The following ANKRD6 variants were observed in gnomAD, a reference collection of about 807,000 sequenced individuals.
The protein encoded by ANKRD6 is ankyrin repeat domain 6, also known as ankyrin repeat domain-containing protein 6.
A neutral mutation model predicts 82.3 loss-of-function variants in ANKRD6; 56 were observed. The ratio of observed to expected loss-of-function variants is 0.68; its 90% CI spans 0.55 to 0.85. The LOEUF is 0.85. ANKRD6 is among the 40% of genes least tolerant of loss of function. The pLI, the probability that ANKRD6 is intolerant of heterozygous loss-of-function variation, is 0.00. For missense variants in ANKRD6, 852 were observed against 907.6 expected, an observed-to-expected ratio of 0.94 and a Z score of 0.79; for synonymous variants, 347 against 352.1, an observed-to-expected ratio of 0.99 and a Z score of 0.16.
chr6:89,501,281 A>T (rs1267065749), intron 1 of ANKRD6, among the ~76,000 whole-genome samples: 2 of 152,256 alleles, frequency 1.3e-5, no homozygotes, highest in Non-Finnish European at 2.9e-5. Flanking sequence ...TTTAAGGAAC[A>T]CATGCTTATG....
At chr6:89,492,865 C>T (rs944685212) in intron 1 of ANKRD6, among the ~76,000 whole-genome samples, 1 of 152,030 alleles carries the variant, frequency 6.6e-6, no homozygotes, top group African/African-American at 2.4e-5. Flanking sequence ...TTATATCTAC[C>T]AGTTGAGAAA....
intron 1 of ANKRD6, among the ~76,000 whole-genome samples, chr6:89,495,254 AAAC>A (rs997378416): frequency 1.4e-4 from 22 of 152,158 alleles, no homozygotes; most frequent in African/African-American, 4.8e-4. Flanking sequence ...AAACAAAACA[AAAC>A]AAAACAGAAG....
At chr6:89,481,481 C>G (rs1241513740) in intron 1 of ANKRD6, among the ~76,000 whole-genome samples, 2 of 152,180 alleles carry the variant, frequency 1.3e-5, no homozygotes, top group Non-Finnish European at 2.9e-5. Context: ...GGAAACACTT[C>G]TGATTCTAAG....
intron 1 of ANKRD6, among the ~76,000 whole-genome samples, chr6:89,495,579 T>A (rs963477315): frequency 1.3e-5 from 2 of 152,152 alleles, no homozygotes; most frequent in Non-Finnish European, 2.9e-5. Context: ...CCTGCTGATG[T>A]TTCAGGTGTA....
rs1797190366 is a variant in ANKRD6 at position 89,601,646 on chromosome 6, G to T, written c.220-1383G>T. 9 of 152,052 alleles carry T rather than the reference G, an allele frequency of 5.9e-5. No individual in the cohort carries two copies. In the South Asian group the frequency reaches 1.9e-3, roughly 32 times the overall value. The allele number at this position is 152,052 out of a possible 1,614,324, so 9.4% of individuals were successfully genotyped here. A position where few individuals can be genotyped will look rare whatever the true frequency, so the allele number is the denominator to read the frequency against. On this transcript the variant is annotated intron_variant, in intron 3 of 15. Coordinates refer to ENST00000339746, the MANE Select transcript of ANKRD6 (RefSeq NM_001242809.2). ...TTTTTATTGTAATAAAATATACATA[G>T]CATTAAATTTACTGTCTGAACATAT... is the stretch of plus-strand genomic sequence containing the variant.
intron 1 of ANKRD6, among the ~76,000 whole-genome samples, chr6:89,488,099 A>G (rs376607188): frequency 4.6e-5 from 7 of 152,212 alleles, no homozygotes; most frequent in African/African-American, 9.6e-5. Context: ...TGGTGACTCA[A>G]TTCTCCCACC....
intron 1 of ANKRD6, among the ~76,000 whole-genome samples, chr6:89,448,797 G>A (rs1217268488): frequency 2.0e-5 from 3 of 152,106 alleles, no homozygotes; most frequent in Non-Finnish European, 4.4e-5. Context: ...TTGGGAGGCC[G>A]AGATGGGCGG....
intron 1 of ANKRD6, among the ~76,000 whole-genome samples, chr6:89,444,084 T>A (rs946132916): frequency 2.6e-5 from 4 of 152,216 alleles, no homozygotes; most frequent in Admixed American, 6.5e-5. Context: ...CCATCTTTTT[T>A]AAAAATCAAG....
At chr6:89,543,420 G>A (rs370249082) in intron 1 of ANKRD6, among the ~76,000 whole-genome samples, 2 of 152,104 alleles carry the variant, frequency 1.3e-5, no homozygotes, top group African/African-American at 2.4e-5. Context: ...CTGTGAAACC[G>A]ACATGGCCAC....
At chr6:89,442,076 G>C (rs1026775909) in intron 1 of ANKRD6, among the ~76,000 whole-genome samples, 1 of 151,988 alleles carries the variant, frequency 6.6e-6, no homozygotes, top group Non-Finnish European at 1.5e-5. Flanking sequence ...AGCTCATGCA[G>C]CCTCTGCCTC....
Position 89,632,307 on chromosome 6 carries a change from GTTT to G in ANKRD6, c.*1305_*1307del, listed in dbSNP as rs1324755819. 6.6e-6 allele frequency: 1 copy of G among 152,112 alleles called. No individual in the cohort carries two copies. Among genetic ancestry groups the G allele is most frequent in the Admixed American group, 6.5e-5 (1 of 15,280 alleles). The allele number at this position is 152,112 out of a possible 1,614,324, so 9.4% of individuals were successfully genotyped here. ...GCTTTTATTCCCTTTGTCAAGCTCA[GTTT>G]TAGGGTTTTTTCTTTTTTTTATAGT... On this transcript the variant is annotated 3_prime_UTR_variant, in exon 16 of 16. Coordinates refer to ENST00000339746, the MANE Select transcript of ANKRD6 (RefSeq NM_001242809.2).
chr6:89,612,411 G>T (rs368161206), intron 6 of ANKRD6, 41 bp downstream of exon 6: 73 of 1,508,372 alleles, frequency 4.8e-5, no homozygotes, highest in Non-Finnish European at 6.1e-5. Context: ...TCTCTTTCTT[G>T]TGTCACTTCA....
chr6:89,544,431 C>T (rs1199736911), intron 1 of ANKRD6, among the ~76,000 whole-genome samples: 1 of 152,174 alleles, frequency 6.6e-6, no homozygotes, highest in Admixed American at 6.6e-5. Context: ...TGCAGTGAGT[C>T]CTGTCCGGGC....
intron 1 of ANKRD6, among the ~76,000 whole-genome samples, chr6:89,558,694 A>G (rs1235579623): frequency 6.6e-6 from 1 of 152,084 alleles, no homozygotes; most frequent in African/African-American, 2.4e-5. Flanking sequence ...TGTACAACAC[A>G]GAGTGAACCC....
At chr6:89,496,718 T>G (rs926951780) in intron 1 of ANKRD6, among the ~76,000 whole-genome samples, 1 of 152,108 alleles carries the variant, frequency 6.6e-6, no homozygotes, top group Non-Finnish European at 1.5e-5. Flanking sequence ...GAGATGGGGT[T>G]TTGCCATGTT....
intron 4 of ANKRD6, among the ~76,000 whole-genome samples, chr6:89,604,575 G>A (rs1021832439): frequency 1.3e-5 from 2 of 151,818 alleles, no homozygotes; most frequent in Admixed American, 1.3e-4. Context: ...GGACAAATAA[G>A]TGTGCAGCTT....
intron 1 of ANKRD6, among the ~76,000 whole-genome samples, chr6:89,549,634 A>G (rs1785551096): frequency 6.6e-6 from 1 of 152,250 alleles, no homozygotes; most frequent in African/African-American, 2.4e-5. Flanking sequence ...AAATCAAAAC[A>G]AAAACAACTT....
At chr6:89,508,367 G>A (rs1419133660) in intron 1 of ANKRD6, among the ~76,000 whole-genome samples, 1 of 152,182 alleles carries the variant, frequency 6.6e-6, no homozygotes, top group African/African-American at 2.4e-5. Flanking sequence ...AGGTACAAAT[G>A]GGTGTTGACA....
chr6:89,547,639 T>C (rs902888107), intron 1 of ANKRD6, among the ~76,000 whole-genome samples: 5 of 152,186 alleles, frequency 3.3e-5, no homozygotes, highest in Admixed American at 3.3e-4. Flanking sequence ...GGATATTCCT[T>C]GATGGCAGGA....
Sources: allele counts gnomAD v4.1 joint callset (sites outside exome capture counted in the v4.1 genomes callset), GRCh38; gene constraint gnomAD v4.1.1; transcripts MANE v1.5; gene names NCBI Gene and HGNC (gene_info 2026-07-23, HGNC 2026-07-21).